ITGAD: variants seen among roughly 807,000 people sequenced by gnomAD.
ITGAD encodes integrin alpha-D.
In ITGAD, 105 loss-of-function variants were observed where a neutral mutation model predicts 139.0. The ratio of observed to expected loss-of-function variants is 0.76; its 90% CI spans 0.65 to 0.89. The LOEUF is 0.89. Ranked by LOEUF, ITGAD falls within the 40% of genes least tolerant of loss-of-function variation. ITGAD has a pLI of 0.00. For missense variants in ITGAD, 1,384 were observed against 1,487.3 expected, an observed-to-expected ratio of 0.93 and a Z score of 1.14; for synonymous variants, 569 against 598.3, an observed-to-expected ratio of 0.95 and a Z score of 0.71.
intron 7 of ITGAD, among the ~76,000 whole-genome samples, chr16:31,406,943 C>G (rs1485328702): frequency 6.6e-6 from 1 of 152,178 alleles, no homozygotes; most frequent in African/African-American, 2.4e-5. Flanking sequence ...ACTCCAAAGC[C>G]CCTGCTTTGA....
In ITGAD at chr16:31,418,543, C is replaced by T. The variant is rs375292342; in HGVS notation, c.2759C>T (p.Ala920Val). The T allele has an allele frequency of 5.0e-6, 8 of 1,613,882 alleles. No homozygotes were observed. The African/African-American group carries it at 8.0e-5, about 16-fold the overall frequency. The change falls in exon 23 of 30, where the codon GCA (alanine) becomes GTA (valine). Residue 920 changes from alanine to valine, a missense_variant. Coordinates refer to ENST00000389202, the MANE Select transcript of ITGAD (RefSeq NM_005353.3). ...TFQLELPVKY[A>V]VYTMISRQEE... The stretch of plus-strand genomic sequence containing the variant: ...CAGCTGGAGCTCCCGGTGAAGTATG[C>T]AGTCTACACCATGATCAGCAGGTGC...
chr16:31,424,389 GGAGA>G, intron 28 of ITGAD, 74 bp from the exon 29 acceptor site: 1 of 1,321,560 alleles, frequency 7.6e-7, no homozygotes, highest in Non-Finnish European at 1.1e-6. Flanking sequence ...AGAAAGGAGG[GGAGA>G]GAGTTAAAGG....
chr16:31,397,253 C>T, intron 2 of ITGAD, 106 bp from the exon 3 acceptor site: 1 of 733,934 alleles, frequency 1.4e-6, no homozygotes, highest in Non-Finnish European at 2.3e-6. Context: ...GGAATTTCCC[C>T]CACAGAGTCT....
At chr16:31,401,806 G>A (rs944923591) in intron 5 of ITGAD, among the ~76,000 whole-genome samples, 5 of 152,342 alleles carry the variant, frequency 3.3e-5, no homozygotes, top group African/African-American at 1.2e-4. Flanking sequence ...CAGAACACGC[G>A]CCCTGAACCA....
intron 7 of ITGAD, among the ~76,000 whole-genome samples, chr16:31,407,085 G>T (rs1260508006): frequency 2.0e-5 from 3 of 152,230 alleles, no homozygotes; most frequent in Non-Finnish European, 4.4e-5. Context: ...TGGGCATGGT[G>T]GCTCACGCCT....
intron 1 of ITGAD, among the ~76,000 whole-genome samples, chr16:31,393,872 T>C (rs1467665036): frequency 6.6e-6 from 1 of 152,138 alleles, no homozygotes; most frequent in African/African-American, 2.4e-5. Context: ...GGCTCATGCT[T>C]ATAATCCCAG....
At chr16:31,416,350 G>A in intron 19 of ITGAD, 64 bp downstream of exon 19, 1 of 1,509,112 alleles carries the variant, frequency 6.6e-7, no homozygotes, top group Non-Finnish European at 9.1e-7. Context: ...CTCCTGGGAT[G>A]CTTGTGCTGC....
In ITGAD at chr16:31,426,238, C is replaced by A; in HGVS notation, c.*110C>A. The A allele has an allele frequency of 1.4e-6, 1 of 701,946 alleles. No individual in the cohort carries two copies. Among genetic ancestry groups the A allele is most frequent in the South Asian group, 1.6e-5 (1 of 62,512 alleles). 43.5% of individuals were successfully genotyped at this position (701,946 alleles called of 1,614,324 possible). On this transcript the variant is annotated 3_prime_UTR_variant, in exon 30 of 30. Transcript: ENST00000389202. ...ATAGATCTGCACTGGCCTAAGCAAC[C>A]TACCAGGTGCTAAGCACCTTCTCGG...
intron 16 of ITGAD, among the ~76,000 whole-genome samples, chr16:31,413,996 G>A (rs1346066269): frequency 6.6e-6 from 1 of 152,108 alleles, no homozygotes; most frequent in African/African-American, 2.4e-5. Flanking sequence ...AGATTGTGAG[G>A]TTCATGAGAG....
intron 5 of ITGAD, among the ~76,000 whole-genome samples, chr16:31,400,502 C>A (rs950547852): frequency 2.0e-5 from 3 of 152,178 alleles, no homozygotes; most frequent in African/African-American, 7.2e-5. Flanking sequence ...GGCCACACAC[C>A]CCCCATGAGC....
At position 31,411,454 on chromosome 16, in the gene ITGAD, C is replaced by A. The variant is rs772023502; in HGVS notation, c.1644C>A (p.Asn548Lys). 3 of 1,614,122 alleles carry A rather than the reference C, an allele frequency of 1.9e-6. No individual in the cohort carries two copies. Among genetic ancestry groups the A allele is most frequent in the Middle Eastern group, 1.7e-4 (1 of 6,060 alleles). The change falls in exon 14 of 30, where the codon AAC becomes AAA. Residue 548 changes from asparagine to lysine, a missense_variant. Asn to Lys is a moderately conservative substitution (Grantham distance 94, BLOSUM62 0). Coordinates refer to ENST00000389202, the MANE Select transcript of ITGAD (RefSeq NM_005353.3). ...TTGGGGCCCCGGGAGAGCAGGAGAA[C>A]CGGGGTGCTGTCTACCTGTTTCACG... ...VAIGAPGEQENRGAVYLFHGA... is the reference protein window; with the variant it reads ...VAIGAPGEQEKRGAVYLFHGA...
chr16:31,412,444 C>T (rs1388421573), intron 14 of ITGAD, among the ~76,000 whole-genome samples: 1 of 152,244 alleles, frequency 6.6e-6, no homozygotes, highest in Non-Finnish European at 1.5e-5. Flanking sequence ...CCTCTCAAAC[C>T]TTTCCCATCA....
rs370934658 is a variant in ITGAD at position 31,423,700 on chromosome 16, C to A, written c.3045+52C>A. On this transcript the variant is annotated intron_variant, in intron 26 of 29. Transcript: ENST00000389202. ...CCAAGATCAGCCCCCACCGGGGATA[C>A]TGGGAAATGTACTGCTAGGCCACAG... is the stretch of plus-strand genomic sequence containing the variant. 918 of 1,561,442 alleles carry A rather than the reference C, an allele frequency of 5.9e-4. 4 individuals are homozygous for A. In the African/African-American group the frequency reaches 0.011, roughly 19 times the overall value.
At chr16:31,400,439 G>A (rs550564976) in intron 5 of ITGAD, among the ~76,000 whole-genome samples, 16 of 152,234 alleles carry the variant, frequency 1.1e-4, no homozygotes, top group African/African-American at 3.6e-4. Flanking sequence ...AGTGCCCTGC[G>A]GGCAGCACAG....
intron 2 of ITGAD, among the ~76,000 whole-genome samples, 172 bp from the exon 3 acceptor site, chr16:31,397,187 C>T (rs1380506377): frequency 2.0e-5 from 3 of 149,630 alleles, no homozygotes; most frequent in African/African-American, 7.4e-5. Context: ...CCCTGGGCAT[C>T]TGTGAGTTAC....
At chr16:31,422,659 T>G (rs2082030337) in intron 23 of ITGAD, among the ~76,000 whole-genome samples, 1 of 152,016 alleles carries the variant, frequency 6.6e-6, no homozygotes, top group Admixed American at 6.6e-5. Flanking sequence ...AGGTTTAAGT[T>G]GGGTCTTTAA....
chr16:31,411,958 G>A (rs2081729955), intron 14 of ITGAD, among the ~76,000 whole-genome samples: 1 of 152,104 alleles, frequency 6.6e-6, no homozygotes, highest in Non-Finnish European at 1.5e-5. Context: ...TATATTATAC[G>A]CCTATTGTTA....
At chr16:31,421,583 A>G (rs1170768622) in intron 23 of ITGAD, among the ~76,000 whole-genome samples, 1 of 152,124 alleles carries the variant, frequency 6.6e-6, no homozygotes, top group Non-Finnish European at 1.5e-5. Context: ...GGGGGCACAG[A>G]GGAAAACCGG....
intron 16 of ITGAD, among the ~76,000 whole-genome samples, 185 bp from the exon 17 acceptor site, chr16:31,414,246 GCCATCCATCCATCCATCCAT>G (rs34319806): frequency 6.7e-6 from 1 of 148,634 alleles, no homozygotes; most frequent in South Asian, 2.2e-4. Flanking sequence ...CTATTATCTA[GCCATCCATCCATCCATCCAT>G]CCATCCATCC....
Sources: allele counts gnomAD v4.1 joint callset (sites outside exome capture counted in the v4.1 genomes callset), GRCh38; gene constraint gnomAD v4.1.1; transcripts MANE v1.5; gene names NCBI Gene and HGNC (gene_info 2026-07-23, HGNC 2026-07-21).